Variants in LRRD1 observed in about 807,000 individuals in gnomAD.
The protein encoded by LRRD1 is leucine rich repeats and death domain containing 1.
LRRD1 carries 49 observed loss-of-function variants against 69.5 expected under a neutral mutation model. The ratio of observed to expected loss-of-function variants is 0.70; its 90% confidence interval spans 0.56 to 0.89. The LOEUF is 0.89. Among genes scored for constraint, LRRD1 ranks in the 40% least tolerant of loss-of-function variants. The pLI is 0.00. For missense variants in LRRD1, 853 were observed against 956.0 expected (o/e 0.89, Z 1.42); for synonymous variants, 303 against 338.9 (o/e 0.89, Z 1.16).
chr7:92,157,029 CTTTT>C (rs34543093), intron 3 of LRRD1, among the ~76,000 whole-genome samples: 60 of 111,760 alleles, frequency 5.4e-4, no homozygotes, highest in Non-Finnish European at 7.8e-4. Flanking sequence ...ATGATATTTG[CTTTT>C]TTTTTTTTTT....
rs71528038 is a variant in LRRD1 at position 92,152,140 on chromosome 7, A to AGTGT, written c.2117-1449_2117-1446dup. On this transcript the variant is annotated intron_variant, in intron 3 of 5. Transcript: ENST00000458448. Reference sequence around the variant, plus strand: ...AAGATCTGGATACGATGCTTCTGGGAGTGTGTGTGTGTGTGTGTGTGTGTG... The same window carrying AGTGT: ...AAGATCTGGATACGATGCTTCTGGGAGTGTGTGTGTGTGTGTGTGTGTGTGTGTG... 8.1e-3 allele frequency among the ~76,000 whole-genome samples: 1,155 copies of AGTGT among 142,838 alleles called. 10 individuals are homozygous for AGTGT. Among genetic ancestry groups the AGTGT allele is most frequent in the East Asian group, 0.021 (104 of 5,008 alleles). The allele number at this position is 142,838 out of a possible 152,430, so 93.7% of individuals were successfully genotyped here. A position where few individuals can be genotyped will look rare whatever the true frequency, so the allele number is the denominator to read the frequency against.
intron 4 of LRRD1, among the ~76,000 whole-genome samples, chr7:92,148,888 C>T (rs1262529248): frequency 6.6e-6 from 1 of 152,106 alleles, no homozygotes; most frequent in East Asian, 1.9e-4. Flanking sequence ...ACTGGGATTA[C>T]AGGTGCCCAC....
chr7:92,151,831 C>T (rs573428665), intron 3 of LRRD1, among the ~76,000 whole-genome samples: 6 of 151,974 alleles, frequency 3.9e-5, no homozygotes, highest in African/African-American at 1.4e-4. Context: ...CACCTGTAAT[C>T]CCAGCTACTC....
rs1174254447 is a variant in LRRD1 at position 92,144,917 on chromosome 7, T to G, written c.2554A>C (p.Asn852His). The G allele has an allele frequency of 4.6e-6, 7 of 1,517,938 alleles. No homozygotes were observed. Among genetic ancestry groups the G allele is most frequent in the Non-Finnish European group, 5.3e-6 (6 of 1,127,408 alleles). 94.0% of individuals were successfully genotyped at this position (1,517,938 alleles called of 1,614,324 possible). The change falls in exon 6 of 6, where the codon AAT becomes CAT. Residue 852 changes from asparagine to histidine, a missense_variant. Asn to His is a moderately conservative substitution (Grantham distance 68). Coordinates refer to ENST00000458448, the MANE Select transcript of LRRD1 (RefSeq NM_001161528.2). ...YEIMDKITAL[N>H]LFTRAIKF ...AATTTAATTGCACGCGTAAAAAGATTTAAAGCTGTTATTTTGTCCATAATT... is the reference window on the plus strand; with the variant it reads ...AATTTAATTGCACGCGTAAAAAGATGTAAAGCTGTTATTTTGTCCATAATT...
chr7:92,165,717 T>C (rs2131010934), intron 1 of LRRD1, among the ~76,000 whole-genome samples: 1 of 151,814 alleles, frequency 6.6e-6, no homozygotes, highest in African/African-American at 2.4e-5. Flanking sequence ...AAAAATTAGC[T>C]GGATGTGGTA....
At chr7:92,157,510 A>T (rs1788689493) in intron 3 of LRRD1, among the ~76,000 whole-genome samples, 2 of 151,902 alleles carry the variant, frequency 1.3e-5, no homozygotes, top group South Asian at 4.1e-4. Context: ...CAATTTTATG[A>T]CAGAATTTTT....
intron 3 of LRRD1, among the ~76,000 whole-genome samples, chr7:92,155,438 C>T (rs1181886379): frequency 3.3e-5 from 5 of 152,096 alleles, no homozygotes; most frequent in Non-Finnish European, 7.3e-5. Flanking sequence ...TTTCAGACCA[C>T]TGTTGATCAT....
intron 1 of LRRD1, among the ~76,000 whole-genome samples, chr7:92,169,463 C>G (rs1003650601): frequency 4.6e-5 from 7 of 151,566 alleles, no homozygotes; most frequent in Non-Finnish European, 1.0e-4. Flanking sequence ...TCAGCCTGGT[C>G]AAGATGGTGA....
intron 1 of LRRD1, among the ~76,000 whole-genome samples, chr7:92,177,597 G>T (rs1789225905): frequency 6.6e-6 from 1 of 152,146 alleles, no homozygotes; most frequent in African/African-American, 2.4e-5. Flanking sequence ...TTACTTTCAA[G>T]GCTGTCTGCT....
chr7:92,163,454 T>C lies in LRRD1; in HGVS notation c.1749A>G (p.Val583=), dbSNP rs939097936. The part of the protein sequence containing the change: ...RELCTLENLQ[V]LDLSENQLQK... ...GTAATTGGTTTTCCGAAAGATCAAG[T>C]ACTTGCAAATTTTCTAAAGTACACA... The change falls in exon 2 of 6, where the codon GTA becomes GTG. Residue 583 remains valine (V), a synonymous_variant. Transcript: ENST00000458448. 3.2e-6 allele frequency: 5 copies of C among 1,541,232 alleles called. No individual in the cohort carries two copies. The African/African-American group carries it at 5.5e-5, about 17-fold the overall frequency.
rs1238092549 is a variant in LRRD1, at chr7:92,146,117, G to A, written c.2362C>T (p.Leu788=). 5 of 1,540,746 alleles carry A rather than the reference G, an allele frequency of 3.2e-6. No individual in the cohort carries two copies. Among genetic ancestry groups the A allele is most frequent in the South Asian group, 1.2e-5 (1 of 80,946 alleles). The change falls in exon 5 of 6, where the codon CTG becomes TTG. Residue 788 remains leucine (L), a synonymous_variant. Transcript: ENST00000458448. ...GGCATATCAGTTTCTGAGTTTGCCA[G>A]GTTTAGTTTTTGACATAAAAATTCA... is the stretch of plus-strand genomic sequence containing the variant. ...NFEFLCQKLN[L]ANSETDMPTK...
intron 1 of LRRD1, among the ~76,000 whole-genome samples, chr7:92,169,407 C>T (rs1290582054): frequency 1.3e-5 from 2 of 150,950 alleles, no homozygotes; most frequent in African/African-American, 4.9e-5. Flanking sequence ...AATCCCAGCA[C>T]TTTGGGAGGC....
chr7:92,170,312 A>C (rs1789026229), intron 1 of LRRD1, among the ~76,000 whole-genome samples: 2 of 152,218 alleles, frequency 1.3e-5, no homozygotes, highest in Non-Finnish European at 2.9e-5. Flanking sequence ...CTAGAGCAAG[A>C]GGTAGAAATC....
chr7:92,154,120 G>C (rs1452528645), intron 3 of LRRD1, among the ~76,000 whole-genome samples: 3 of 152,114 alleles, frequency 2.0e-5, no homozygotes, highest in African/African-American at 7.2e-5. Context: ...TTACAGGCAT[G>C]AGCCACCACG....
intron 1 of LRRD1, among the ~76,000 whole-genome samples, chr7:92,177,871 A>G (rs1334662789): frequency 6.6e-6 from 1 of 152,240 alleles, no homozygotes; most frequent in Admixed American, 6.5e-5. Flanking sequence ...TTCTTTAAAC[A>G]GCACAGATAT....
chr7:92,150,569 A>G lies in LRRD1; in HGVS notation c.2243T>C (p.Ile748Thr). Residue 748 changes from isoleucine (I) to threonine (T), a missense_variant, in exon 4 of 6, where the codon ATT (isoleucine) becomes ACT (threonine). This residue lies in a region of LRRD1 where 739 missense variants were observed against 808.0 expected (regional missense o/e 0.91). Transcript: ENST00000458448. Reference protein sequence around the residue: ...EICKGKQLYTIARYLQRADER... With the variant: ...EICKGKQLYTTARYLQRADER... ...ATCTGCCCTCTGTAGATAGCGTGCA[A>G]TAGTATACAACTGTTTTCCTTTACA... 1.3e-6 allele frequency: 2 copies of G among 1,551,414 alleles called. No homozygotes were observed. Among genetic ancestry groups the G allele is most frequent in the Non-Finnish European group, 8.7e-7 (1 of 1,146,826 alleles).
chr7:92,143,516 G>C (rs1005873418), downstream of LRRD1, among the ~76,000 whole-genome samples: 2 of 152,288 alleles, frequency 1.3e-5, no homozygotes, highest in African/African-American at 2.4e-5. Context: ...CCTGCCCCGC[G>C]GGAAGGCAGC....
At chr7:92,145,892 T>C (rs935907443) in intron 5 of LRRD1, among the ~76,000 whole-genome samples, 191 bp downstream of exon 5, 1 of 152,224 alleles carries the variant, frequency 6.6e-6, no homozygotes, top group Non-Finnish European at 1.5e-5. Context: ...CAGTCTGTCC[T>C]CATAGCCTTT....
Position 92,164,857 on chromosome 7 carries a change from AG to A in LRRD1, c.345del (p.Phe116SerfsTer7). The stretch of plus-strand genomic sequence containing the variant: ...TCTCCTACTGTTTCATGAGATAGGA[AG>A]TTAACCAAAGCCTGATATTCTGCAG... ...GRTAEYQALV[N>X]FLSHETVGEV... On this transcript the variant is annotated frameshift_variant, in exon 2 of 6. Coordinates refer to ENST00000458448, the MANE Select transcript of LRRD1 (RefSeq NM_001161528.2). LOFTEE classifies it high-confidence loss of function. 1 of 1,551,636 alleles carries A rather than the reference AG, an allele frequency of 6.4e-7. No homozygotes were observed. The highest frequency in any genetic ancestry group is 8.7e-7 in the Non-Finnish European group (1 of 1,146,930).
Sources: gnomAD v4.1 joint callset for allele counts (sites outside exome capture counted in the v4.1 genomes callset) on GRCh38, gnomAD v4.1.1 for gene constraint, gnomAD v4.1.1 regional missense constraint, MANE v1.5 for transcripts, NCBI Gene and HGNC (gene_info 2026-07-23, HGNC 2026-07-21) for gene names.